The following VTA1 variants were observed in gnomAD, a reference collection of about 807,000 sequenced individuals.
VTA1 encodes vesicle trafficking 1, also known as vacuolar protein sorting-associated protein VTA1 homolog.
A neutral mutation model predicts 36.9 loss-of-function variants in VTA1; 24 were observed. That is an observed-to-expected ratio of 0.65 (90% CI 0.47 to 0.91). VTA1 has a LOEUF of 0.91. Ranked by LOEUF, VTA1 falls within the 40% of genes least tolerant of loss-of-function variation. The pLI is 0.00. For synonymous variants in VTA1, 142 were observed against 130.2 expected (o/e 1.09, Z -0.62); for missense variants, 393 against 377.2 (o/e 1.04, Z -0.35).
At chr6:142,201,130 C>T (rs1775677469) in intron 6 of VTA1, among the ~76,000 whole-genome samples, 1 of 151,752 alleles carries the variant, frequency 6.6e-6, no homozygotes, top group Non-Finnish European at 1.5e-5. Flanking sequence ...AGTATATTTC[C>T]CTTTAAGATT....
chr6:142,170,926 C>A (rs1775018383), intron 4 of VTA1, among the ~76,000 whole-genome samples: 1 of 151,928 alleles, frequency 6.6e-6, no homozygotes, highest in African/African-American at 2.4e-5. Flanking sequence ...TTGCACCTGG[C>A]CTGTAATAAG....
intron 4 of VTA1, among the ~76,000 whole-genome samples, chr6:142,177,252 G>T (rs909505813): frequency 6.6e-6 from 1 of 152,128 alleles, no homozygotes; most frequent in Non-Finnish European, 1.5e-5. Flanking sequence ...AGTTGTAAAT[G>T]AATGAAATAT....
Position 142,188,533 on chromosome 6 carries a change from C to A in VTA1, c.412-893C>A, listed in dbSNP as rs531579108. ...TGTTTTCAAATAGTAAAACCACGTT[C>A]GCTCTGGAACGCTAATGTGCGTATA... is the stretch of plus-strand genomic sequence containing the variant. On this transcript the variant is annotated intron_variant, in intron 4 of 7. Transcript: ENST00000367630. 6.6e-5 allele frequency among the ~76,000 whole-genome samples: 10 copies of A among 152,166 alleles called. No homozygotes were observed. In the East Asian group the frequency reaches 1.9e-3, roughly 29 times the overall value.
chr6:142,158,502 TAGTTATTATCA>T (rs1778707777), intron 1 of VTA1, among the ~76,000 whole-genome samples: 2 of 152,214 alleles, frequency 1.3e-5, no homozygotes, highest in South Asian at 4.1e-4. Flanking sequence ...CGTTTGATAT[TAGTTATTATCA>T]AGTTATTATT....
chr6:142,176,349 T>C (rs998213764), intron 4 of VTA1, among the ~76,000 whole-genome samples: 4 of 152,226 alleles, frequency 2.6e-5, no homozygotes, highest in Non-Finnish European at 5.9e-5. Flanking sequence ...CTGCCCTCGT[T>C]GAGCTTATGT....
chr6:142,160,600 C>G (rs567176092), intron 1 of VTA1, among the ~76,000 whole-genome samples: 2 of 152,082 alleles, frequency 1.3e-5, no homozygotes, highest in African/African-American at 4.8e-5. Context: ...TCTTCCTGGG[C>G]CTTAGTTTGG....
rs749074277 is a variant in VTA1, at chr6:142,221,158, C to G, written c.*2515C>G. On this transcript the variant is annotated 3_prime_UTR_variant, in exon 8 of 8. Coordinates refer to ENST00000367630, the MANE Select transcript of VTA1 (RefSeq NM_016485.5). ...TCCTCAAACCGGTTCTCAAAGGTGT[C>G]TCTGGACGACCGGCATCAGCATCAC... 9 of 152,198 alleles carry G rather than the reference C, an allele frequency of 5.9e-5. No individual in the cohort carries two copies. Among genetic ancestry groups the G allele is most frequent in the Non-Finnish European group, 1.0e-4 (7 of 68,044 alleles). The allele number at this position is 152,198 out of a possible 1,614,324, so 9.4% of individuals were successfully genotyped here.
At position 142,209,344 on chromosome 6, in the gene VTA1, T is replaced by A. The variant is rs184838817; in HGVS notation, c.778+5279T>A. Among the ~76,000 whole-genome samples, 4 of 151,790 alleles carry A rather than the reference T, an allele frequency of 2.6e-5. No homozygotes were observed. The East Asian group carries it at 7.8e-4, about 29-fold the overall frequency. On this transcript the variant is annotated intron_variant, in intron 7 of 7. Transcript: ENST00000367630. ...GAACCGATCTAACTAAAGAAGTTAG[T>A]TATTAATAACTAACTATAATATTCC...
intron 7 of VTA1, among the ~76,000 whole-genome samples, chr6:142,213,941 C>A (rs755944216): frequency 6.6e-6 from 1 of 152,220 alleles, no homozygotes; most frequent in Non-Finnish European, 1.5e-5. Flanking sequence ...GAACATTCAA[C>A]TCCTCTTTAC....
Position 142,219,536 on chromosome 6 carries a change from C to G in VTA1, c.*893C>G, listed in dbSNP as rs919348032. 1 of 152,270 alleles carries G rather than the reference C, an allele frequency of 6.6e-6. No individual in the cohort carries two copies. Among genetic ancestry groups the G allele is most frequent in the African/African-American group, 2.4e-5 (1 of 41,554 alleles). 9.4% of individuals were successfully genotyped at this position (152,270 alleles called of 1,614,324 possible). A position where few individuals can be genotyped will look rare whatever the true frequency, so the allele number is the denominator to read the frequency against. On this transcript the variant is annotated 3_prime_UTR_variant, in exon 8 of 8. Coordinates refer to ENST00000367630, the MANE Select transcript of VTA1 (RefSeq NM_016485.5). ...AGTTTTGTGGGGAATTATGAACTTA[C>G]TGTGTACTACCTGCATTTGTGCTGT...
chr6:142,198,125 G>A (rs866979526), intron 5 of VTA1, among the ~76,000 whole-genome samples: 57 of 60,354 alleles, frequency 9.4e-4, no homozygotes, highest in African/African-American at 2.6e-3. Flanking sequence ...ATATATGTGT[G>A]TGTGTGTGTG....
At chr6:142,199,816 GC>G (rs1775644888) in intron 6 of VTA1, among the ~76,000 whole-genome samples, 1 of 151,846 alleles carries the variant, frequency 6.6e-6, no homozygotes, top group African/African-American at 2.4e-5. Flanking sequence ...ATATTTTATG[GC>G]CTATGTGATG....
At chr6:142,170,118 A>C (rs1437850551) in intron 3 of VTA1, among the ~76,000 whole-genome samples, 1 of 152,186 alleles carries the variant, frequency 6.6e-6, no homozygotes, top group Non-Finnish European at 1.5e-5. Context: ...AAAAACATAC[A>C]AAAAATCTTG....
chr6:142,192,702 TTGTGTGTGTGTGTG>T (rs35330800), intron 5 of VTA1, among the ~76,000 whole-genome samples: 10 of 149,236 alleles, frequency 6.7e-5, no homozygotes, highest in Non-Finnish European at 1.0e-4. Flanking sequence ...TTTTATATAT[TTGTGTGTGTGTGTG>T]TGTGTGTGTG....
At chr6:142,203,903 C>T (rs975309344) in intron 6 of VTA1, 82 bp from the exon 7 acceptor site, 1 of 1,102,824 alleles carries the variant, frequency 9.1e-7, no homozygotes, top group South Asian at 1.3e-5. Flanking sequence ...ATGAAATTGC[C>T]TCATGATTTT....
intron 7 of VTA1, among the ~76,000 whole-genome samples, chr6:142,204,923 C>A (rs1408771481): frequency 1.3e-5 from 2 of 150,954 alleles, no homozygotes; most frequent in African/African-American, 2.5e-5. Flanking sequence ...TGGGATTTCA[C>A]CATGTTGGCC....
At chr6:142,155,279 GTATC>G (rs1420623886) in intron 1 of VTA1, among the ~76,000 whole-genome samples, 7 of 152,140 alleles carry the variant, frequency 4.6e-5, no homozygotes. Context: ...AAAATGTAGA[GTATC>G]TAATTCAGTA....
chr6:142,169,417 A>T, intron 2 of VTA1, 133 bp from the exon 3 acceptor site: 2 of 1,069,318 alleles, frequency 1.9e-6, no homozygotes, highest in South Asian at 3.2e-5. Context: ...TTTTTGCAAG[A>T]TTTCATTGAT....
intron 1 of VTA1, among the ~76,000 whole-genome samples, chr6:142,156,591 A>C (rs1778667055): frequency 6.6e-6 from 1 of 152,172 alleles, no homozygotes; most frequent in South Asian, 2.1e-4. Flanking sequence ...GTTTGCCGTG[A>C]GTAAATGTAT....
Sources: allele counts gnomAD v4.1 joint callset (sites outside exome capture counted in the v4.1 genomes callset), GRCh38; gene constraint gnomAD v4.1.1; transcripts MANE v1.5; gene names NCBI Gene and HGNC (gene_info 2026-07-23, HGNC 2026-07-21).